Variants in DACH1 observed in about 807,000 individuals in gnomAD.
DACH1 encodes dachshund family transcription factor 1.
In DACH1, 12 loss-of-function variants were observed where a neutral mutation model predicts 54.2. The ratio of observed to expected loss-of-function variants is 0.22; its 90% CI spans 0.14 to 0.36. The LOEUF (loss-of-function observed/expected upper bound fraction) is 0.36, where lower values mean the gene tolerates loss of function less well. Ranked by LOEUF, DACH1 falls within the 10% of genes least tolerant of loss-of-function variation. DACH1 has a pLI of 1.00. For missense variants in DACH1, 805 were observed against 929.8 expected, an observed-to-expected ratio of 0.87 and a Z score of 1.75; for synonymous variants, 386 against 366.2, an observed-to-expected ratio of 1.05 and a Z score of -0.62.
intron 1 of DACH1, among the ~76,000 whole-genome samples, chr13:71,793,831 A>G (rs998890807): frequency 6.6e-6 from 1 of 152,140 alleles, no homozygotes; most frequent in African/African-American, 2.4e-5. Flanking sequence ...CTAGCCGGTA[A>G]TCTCTTTTTT....
chr13:71,522,163 G>C (rs1379839030), intron 6 of DACH1, among the ~76,000 whole-genome samples: 1 of 152,108 alleles, frequency 6.6e-6, no homozygotes, highest in Non-Finnish European at 1.5e-5. Context: ...CATAAGCAGA[G>C]AGCTTTCAAG....
rs751897642 is a variant in DACH1, at chr13:71,489,122, C to T, written c.1597G>A (p.Ala533Thr). The change falls in exon 7 of 11, where the codon GCA becomes ACA. Residue 533 changes from alanine to threonine, a missense_variant. By Grantham distance (58) the Ala-to-Thr change is moderately conservative (BLOSUM62 0). Around this residue, in one of 3 missense-constraint regions of DACH1, gnomAD observed 472 missense variants for 545.3 expected, o/e 0.87. Transcript: ENST00000613252. ...KDETPLSTPTARDSLDKLSLT... is the reference protein window; with the variant it reads ...KDETPLSTPTTRDSLDKLSLT... Reference sequence around the variant, plus strand: ...GAGAGTTTGTCAAGGCTGTCTCTTGCGGTTGGTGTAGAAAGCGGGGTCTCA... The same window carrying T: ...GAGAGTTTGTCAAGGCTGTCTCTTGTGGTTGGTGTAGAAAGCGGGGTCTCA... The T allele has an allele frequency of 2.1e-5, 34 of 1,613,142 alleles. No individual in the cohort carries two copies. In the East Asian group the frequency reaches 3.1e-4, roughly 15 times the overall value.
At chr13:71,584,601 CAAATCTCTACTGAACTG>C (rs1873095037) in intron 3 of DACH1, among the ~76,000 whole-genome samples, 2 of 152,084 alleles carry the variant, frequency 1.3e-5, no homozygotes, top group Admixed American at 1.3e-4. Flanking sequence ...TGAACTGTGT[CAAATCTCTACTGAACTG>C]TTTGAACTAT....
intron 1 of DACH1, among the ~76,000 whole-genome samples, chr13:71,816,606 GTATATATATA>G (rs1887945700): frequency 1.1e-5 from 1 of 87,246 alleles, no homozygotes; most frequent in South Asian, 4.5e-4. Context: ...ACATATGTGT[GTATATATATA>G]CACGTGTATA....
At chr13:71,701,626 G>T (rs556500935) in intron 1 of DACH1, among the ~76,000 whole-genome samples, 1 of 152,220 alleles carries the variant, frequency 6.6e-6, no homozygotes, top group East Asian at 1.9e-4. Context: ...GTTTGGAGAT[G>T]AAATCTAAAA....
At chr13:71,714,752 T>C (rs1882891168) in intron 1 of DACH1, among the ~76,000 whole-genome samples, 1 of 152,082 alleles carries the variant, frequency 6.6e-6, no homozygotes, top group Non-Finnish European at 1.5e-5. Flanking sequence ...TAAAGAAACC[T>C]ATCAATGTTT....
At chr13:71,638,199 T>G (rs1877629619) in intron 2 of DACH1, among the ~76,000 whole-genome samples, 1 of 152,224 alleles carries the variant, frequency 6.6e-6, no homozygotes, top group South Asian at 2.1e-4. Flanking sequence ...AATTGATAAG[T>G]TATTTATGTC....
At chr13:71,803,296 TAACA>T (rs1369454773) in intron 1 of DACH1, among the ~76,000 whole-genome samples, 1 of 152,140 alleles carries the variant, frequency 6.6e-6, no homozygotes, top group Non-Finnish European at 1.5e-5. Flanking sequence ...ACTAGATTCT[TAACA>T]AACACCCTCT....
intron 3 of DACH1, among the ~76,000 whole-genome samples, chr13:71,597,868 G>T (rs781114577): frequency 1.3e-5 from 2 of 152,100 alleles, no homozygotes; most frequent in African/African-American, 2.4e-5. Flanking sequence ...TGTAGTCCCA[G>T]CACTCTGGAA....
chr13:71,705,851 C>G lies in DACH1; in HGVS notation c.849-23941G>C, dbSNP rs112635793. ...ATTAGTAATTATCATATGGTTCATA[C>G]AAATTCTGTAAGTGTGCTTCTCTAT... On this transcript the variant is annotated intron_variant, in intron 1 of 10. Coordinates refer to ENST00000613252, the MANE Select transcript of DACH1 (RefSeq NM_080759.6). 4.6e-5 allele frequency among the ~76,000 whole-genome samples: 7 copies of G among 152,044 alleles called. 1 individual carries two copies. The highest frequency in any genetic ancestry group is 1.7e-4 in the African/African-American group (7 of 41,522).
At chr13:71,720,804 G>C (rs186670968) in intron 1 of DACH1, among the ~76,000 whole-genome samples, 1 of 152,190 alleles carries the variant, frequency 6.6e-6, no homozygotes, top group African/African-American at 2.4e-5. Flanking sequence ...TTACTTATCA[G>C]TTCTAAGATG....
Position 71,796,859 on chromosome 13 carries a change from G to A in DACH1, c.848+69063C>T, listed in dbSNP as rs117423869. ...TCCCAAGGACATCTACGGACACTTA[G>A]GGTTAGGAAACTGGTTTCTCTTATT... On this transcript the variant is annotated intron_variant, in intron 1 of 10. Coordinates refer to ENST00000613252, the MANE Select transcript of DACH1 (RefSeq NM_080759.6). 7.8e-3 allele frequency among the ~76,000 whole-genome samples: 1,191 copies of A among 152,114 alleles called. 4 individuals are homozygous for A. The highest frequency in any genetic ancestry group is 0.012 in the Non-Finnish European group (784 of 67,928).
intron 8 of DACH1, among the ~76,000 whole-genome samples, chr13:71,476,726 T>C (rs981078230): frequency 6.6e-6 from 1 of 152,122 alleles, no homozygotes; most frequent in African/African-American, 2.4e-5. Context: ...TAATAACTAC[T>C]GTTCTTTACA....
intron 2 of DACH1, among the ~76,000 whole-genome samples, chr13:71,667,478 C>T (rs1420764645): frequency 1.3e-5 from 2 of 152,126 alleles, no homozygotes; most frequent in Non-Finnish European, 2.9e-5. Flanking sequence ...AAGCAAACCA[C>T]CCCATTTCAT....
chr13:71,852,519 A>G (rs1322387676), intron 1 of DACH1, among the ~76,000 whole-genome samples: 6 of 152,196 alleles, frequency 3.9e-5, no homozygotes, highest in Admixed American at 1.3e-4. Context: ...AAGTTTAGAG[A>G]GCTAGCTTTG....
At chr13:71,589,401 G>A (rs1422308767) in intron 3 of DACH1, among the ~76,000 whole-genome samples, 1 of 151,926 alleles carries the variant, frequency 6.6e-6, no homozygotes. Flanking sequence ...TATTATTTTT[G>A]TAGTTTTAAA....
At chr13:71,709,186 AAACTT>A (rs1196719752) in intron 1 of DACH1, among the ~76,000 whole-genome samples, 1 of 151,936 alleles carries the variant, frequency 6.6e-6, no homozygotes, top group Non-Finnish European at 1.5e-5. Flanking sequence ...CTTCATAGCC[AAACTT>A]AACTTATATA....
At chr13:71,472,315 T>C (rs751811737) in intron 10 of DACH1, among the ~76,000 whole-genome samples, 6 of 152,224 alleles carry the variant, frequency 3.9e-5, no homozygotes, top group African/African-American at 7.2e-5. Context: ...TCTAAACTAC[T>C]TTCTTGATTC....
At chr13:71,755,810 T>C (rs564767895) in intron 1 of DACH1, among the ~76,000 whole-genome samples, 10 of 152,310 alleles carry the variant, frequency 6.6e-5, no homozygotes, top group African/African-American at 2.4e-4. Context: ...ATTCTAAAAG[T>C]ATTTCTTTTA....
Sources: allele counts gnomAD v4.1 joint callset (sites outside exome capture counted in the v4.1 genomes callset), GRCh38; gene constraint gnomAD v4.1.1; regional missense constraint gnomAD v4.1.1; transcripts MANE v1.5; gene names NCBI Gene and HGNC (gene_info 2026-07-23, HGNC 2026-07-21).